Variants in KCNH7 observed in about 807,000 individuals in gnomAD.
The protein encoded by KCNH7 is voltage-gated inwardly rectifying potassium channel KCNH7.
Under a neutral mutation model 120.8 loss-of-function variants are expected in KCNH7, and 49 were observed. The observed-to-expected ratio is 0.41, with a 90% CI of 0.32 to 0.51. The LOEUF is 0.51. KCNH7 is among the 20% of genes least tolerant of loss of function. The pLI, the probability that KCNH7 is intolerant of heterozygous loss-of-function variation, is 0.38. For synonymous variants in KCNH7, 547 were observed against 516.1 expected (o/e 1.06, Z -0.81); for missense variants, 1,097 against 1,446.6 (o/e 0.76, Z 3.92).
chr2:162,766,179 GT>G (rs750477659), intron 2 of KCNH7, among the ~76,000 whole-genome samples: 8 of 151,964 alleles, frequency 5.3e-5, no homozygotes, highest in Non-Finnish European at 1.2e-4. Context: ...ATGTGTGTGT[GT>G]GTTTTGTGTG....
At chr2:162,583,628 C>T (rs142936400) in intron 2 of KCNH7, among the ~76,000 whole-genome samples, 41 of 152,112 alleles carry the variant, frequency 2.7e-4, no homozygotes, top group African/African-American at 7.5e-4. Context: ...TGTGAAAAGA[C>T]AAAATTCAGA....
At chr2:162,738,519 G>A (rs1009903501) in intron 2 of KCNH7, among the ~76,000 whole-genome samples, 2 of 152,130 alleles carry the variant, frequency 1.3e-5, no homozygotes, top group Admixed American at 1.3e-4. Context: ...CAGTCAGGAG[G>A]TACAGCTTCA....
intron 2 of KCNH7, among the ~76,000 whole-genome samples, chr2:162,785,692 G>C (rs1683674030): frequency 6.8e-6 from 1 of 147,186 alleles, no homozygotes; most frequent in Non-Finnish European, 1.5e-5. Flanking sequence ...CTGTGGAATA[G>C]TTTTTTGTTT....
intron 12 of KCNH7, among the ~76,000 whole-genome samples, chr2:162,385,743 G>T (rs1183589804): frequency 6.6e-6 from 1 of 151,764 alleles, no homozygotes; most frequent in Non-Finnish European, 1.5e-5. Context: ...AACGCCAGAA[G>T]GTATATCATT....
At chr2:162,718,733 T>C (rs761428182) in intron 2 of KCNH7, among the ~76,000 whole-genome samples, 16 of 152,040 alleles carry the variant, frequency 1.1e-4, no homozygotes, top group Admixed American at 3.9e-4. Context: ...AATCCATGTT[T>C]ATAGTTAACA....
intron 6 of KCNH7, among the ~76,000 whole-genome samples, chr2:162,503,989 T>A (rs1233658720): frequency 6.6e-6 from 1 of 151,996 alleles, no homozygotes; most frequent in East Asian, 1.9e-4. Context: ...CTCAGACAGC[T>A]CTTTTCCCCA....
chr2:162,536,739 T>C (rs1692122589), intron 3 of KCNH7, among the ~76,000 whole-genome samples, 186 bp downstream of exon 3: 1 of 151,994 alleles, frequency 6.6e-6, no homozygotes, highest in South Asian at 2.1e-4. Context: ...TTAAATGGCT[T>C]TCAGAGCAGC....
chr2:162,601,145 A>C (rs566010491), intron 2 of KCNH7, among the ~76,000 whole-genome samples: 2 of 152,126 alleles, frequency 1.3e-5, no homozygotes, highest in South Asian at 4.1e-4. Context: ...AGCTAGTTGG[A>C]GAAGAATGTG....
At chr2:162,642,268 A>G (rs906378046) in intron 2 of KCNH7, among the ~76,000 whole-genome samples, 3 of 152,194 alleles carry the variant, frequency 2.0e-5, no homozygotes, top group Non-Finnish European at 4.4e-5. Flanking sequence ...TGATTATCCC[A>G]TTTGTTAGGC....
At chr2:162,673,724 G>A (rs1483365019) in intron 2 of KCNH7, among the ~76,000 whole-genome samples, 1 of 152,006 alleles carries the variant, frequency 6.6e-6, no homozygotes, top group African/African-American at 2.4e-5. Flanking sequence ...ATAAATGAGT[G>A]TTTTTGTTGG....
At chr2:162,401,693 G>A (rs1484033086) in intron 9 of KCNH7, among the ~76,000 whole-genome samples, 14 of 151,972 alleles carry the variant, frequency 9.2e-5, no homozygotes, top group African/African-American at 2.9e-4. Context: ...AGGACCAATA[G>A]GATACCTGAA....
At chr2:162,390,238 C>T (rs1417850362) in intron 12 of KCNH7, among the ~76,000 whole-genome samples, 4 of 150,106 alleles carry the variant, frequency 2.7e-5, no homozygotes, top group Non-Finnish European at 4.4e-5. Context: ...AGTGTATAAT[C>T]GCATTATATA....
At chr2:162,674,315 A>G (rs1162948549) in intron 2 of KCNH7, among the ~76,000 whole-genome samples, 2 of 151,798 alleles carry the variant, frequency 1.3e-5, no homozygotes, top group Non-Finnish European at 3.0e-5. Context: ...CCTTTACGGG[A>G]AAAGATTTTA....
chr2:162,409,150 C>T (rs975220548), intron 9 of KCNH7, among the ~76,000 whole-genome samples: 6 of 151,310 alleles, frequency 4.0e-5, no homozygotes, highest in African/African-American at 9.7e-5. Context: ...GGGCTAATTC[C>T]GTGAATAAAA....
intron 6 of KCNH7, among the ~76,000 whole-genome samples, chr2:162,457,150 A>T (rs1048307187): frequency 6.6e-6 from 1 of 152,126 alleles, no homozygotes; most frequent in African/African-American, 2.4e-5. Flanking sequence ...TAACAAAGTA[A>T]ATGTTTTAAC....
At position 162,518,161 on chromosome 2, in the gene KCNH7, A is replaced by G. The variant is rs905466597; in HGVS notation, c.464-3T>C. The G allele has an allele frequency of 6.2e-7, 1 of 1,604,342 alleles. No individual in the cohort carries two copies. ...GAATTTGAACCCAAAAAATTTCCCT[A>G]TAAATGGAGACAGGAGAGAGCATTA... On this transcript the variant is annotated splice_polypyrimidine_tract_variant and splice_region_variant and intron_variant, in intron 3 of 15. Coordinates refer to ENST00000332142, the MANE Select transcript of KCNH7 (RefSeq NM_033272.4).
At chr2:162,795,027 C>CTACTATTTGAT in intron 2 of KCNH7, among the ~76,000 whole-genome samples, 1 of 151,924 alleles carries the variant, frequency 6.6e-6, no homozygotes, top group East Asian at 1.9e-4. Context: ...ACCAGTTGGT[C>CTACTATTTGAT]AGTAGTTAAG....
intron 8 of KCNH7, among the ~76,000 whole-genome samples, chr2:162,423,836 A>G (rs781114518): frequency 6.6e-6 from 1 of 152,118 alleles, no homozygotes; most frequent in Non-Finnish European, 1.5e-5. Flanking sequence ...TTTGAAATAA[A>G]CCCTTTCACT....
At chr2:162,794,621 T>G (rs1684072680) in intron 2 of KCNH7, among the ~76,000 whole-genome samples, 1 of 152,088 alleles carries the variant, frequency 6.6e-6, no homozygotes, top group African/African-American at 2.4e-5. Flanking sequence ...TAAAGACACT[T>G]ATACTCTAAA....
Sources: gnomAD v4.1 joint callset for allele counts (sites outside exome capture counted in the v4.1 genomes callset) on GRCh38, gnomAD v4.1.1 for gene constraint, MANE v1.5 for transcripts, NCBI Gene and HGNC (gene_info 2026-07-23, HGNC 2026-07-21) for gene names.